Variants in SGCZ observed in about 807,000 individuals in gnomAD.
SGCZ encodes sarcoglycan zeta.
In SGCZ, 40 loss-of-function variants were observed where a neutral mutation model predicts 41.3. The ratio of observed to expected loss-of-function variants is 0.97; its 90% CI spans 0.75 to 1.26. The LOEUF is 1.26. SGCZ is among the 50% of genes most tolerant of loss of function. The pLI is 0.00. For synonymous variants in SGCZ, 206 were observed against 137.5 expected (o/e 1.50, Z -3.49); for missense variants, 552 against 369.8 (o/e 1.49, Z -4.04).
At chr8:14,246,274 T>C (rs932235535) in intron 3 of SGCZ, among the ~76,000 whole-genome samples, 1 of 152,128 alleles carries the variant, frequency 6.6e-6, no homozygotes, top group African/African-American at 2.4e-5. Context: ...GCCATAAAAA[T>C]GATGAGTTCA....
intron 4 of SGCZ, among the ~76,000 whole-genome samples, chr8:14,219,607 C>A (rs1318105728): frequency 6.6e-6 from 1 of 152,066 alleles, no homozygotes; most frequent in African/African-American, 2.4e-5. Context: ...ATTAGCTGGG[C>A]GTGGTGGCGC....
intron 1 of SGCZ, among the ~76,000 whole-genome samples, chr8:14,785,888 C>T (rs1351130447): frequency 2.0e-5 from 3 of 151,660 alleles, no homozygotes; most frequent in African/African-American, 7.3e-5. Flanking sequence ...ACTTCTATCC[C>T]TGCTGTGCCA....
chr8:14,467,222 G>T (rs530723830), intron 2 of SGCZ, among the ~76,000 whole-genome samples: 1 of 152,016 alleles, frequency 6.6e-6, no homozygotes, highest in African/African-American at 2.4e-5. Flanking sequence ...GGTTGCTTCT[G>T]AAGATGCTAG....
chr8:14,180,236 C>G (rs1386371734), intron 4 of SGCZ, among the ~76,000 whole-genome samples: 1 of 152,164 alleles, frequency 6.6e-6, no homozygotes, highest in Non-Finnish European at 1.5e-5. Flanking sequence ...GCCTCCTAGC[C>G]AAGCCCACCT....
At chr8:14,850,851 G>T (rs1414216672) in intron 1 of SGCZ, among the ~76,000 whole-genome samples, 2 of 152,160 alleles carry the variant, frequency 1.3e-5, no homozygotes, top group East Asian at 3.9e-4. Flanking sequence ...TCTCCTTCCT[G>T]CCACCTTCTG....
chr8:14,853,039 T>C (rs1585319392), intron 1 of SGCZ, among the ~76,000 whole-genome samples: 2 of 152,328 alleles, frequency 1.3e-5, no homozygotes, highest in Admixed American at 6.5e-5. Flanking sequence ...TGAGGATACA[T>C]AGAAAGTATA....
rs1563214476 is a variant in SGCZ, at chr8:14,253,263, T to TGTGC, written c.337-15585_337-15584insGCAC. On this transcript the variant is annotated intron_variant, in intron 3 of 7. Coordinates refer to ENST00000382080, the MANE Select transcript of SGCZ (RefSeq NM_139167.4). ...TGTAGGGTGTGTGTGTGTGTGTGTG[T>TGTGC]GTGTGTGTGTATCAGTCAGGAAGAA... Among the ~76,000 whole-genome samples the TGTGC allele has an allele frequency of 2.6e-5, 4 of 151,848 alleles. No homozygotes were observed. In the East Asian group the frequency reaches 7.7e-4, roughly 29 times the overall value.
At chr8:15,081,178 AT>A (rs1172285294) in intron 1 of SGCZ, among the ~76,000 whole-genome samples, 1 of 152,074 alleles carries the variant, frequency 6.6e-6, no homozygotes, top group African/African-American at 2.4e-5. Context: ...AAGACACTAA[AT>A]TTTTTTAGGT....
chr8:14,190,388 T>C (rs932917608), intron 4 of SGCZ, among the ~76,000 whole-genome samples: 3 of 151,894 alleles, frequency 2.0e-5, no homozygotes, highest in African/African-American at 7.3e-5. Flanking sequence ...TGTGTATATA[T>C]ATATATCAAT....
intron 1 of SGCZ, among the ~76,000 whole-genome samples, chr8:15,164,330 G>T (rs1176745660): frequency 6.6e-6 from 1 of 151,896 alleles, no homozygotes. Flanking sequence ...TCCTTTTACA[G>T]GACCCACCGG....
chr8:14,534,851 A>G (rs1803246334), intron 2 of SGCZ, among the ~76,000 whole-genome samples: 4 of 151,992 alleles, frequency 2.6e-5, no homozygotes. Flanking sequence ...TCCTCAGGCC[A>G]TCTAGTACTG....
rs572799789 is a variant in SGCZ, at chr8:14,925,502, C to A, written c.39+312083G>T. 2.6e-5 allele frequency among the ~76,000 whole-genome samples: 4 copies of A among 152,274 alleles called. No individual in the cohort carries two copies. The East Asian group carries it at 5.8e-4, about 22-fold the overall frequency. On this transcript the variant is annotated intron_variant, in intron 1 of 7. Coordinates refer to ENST00000382080, the MANE Select transcript of SGCZ (RefSeq NM_139167.4). Reference sequence around the variant, plus strand: ...TTTATAACAAGATGCTTCTTAAAGGCTAAGTTTTCATTCTCAAGGAGATGC... The same window carrying A: ...TTTATAACAAGATGCTTCTTAAAGGATAAGTTTTCATTCTCAAGGAGATGC...
chr8:14,218,487 A>T (rs1179748828), intron 4 of SGCZ, among the ~76,000 whole-genome samples: 1 of 152,212 alleles, frequency 6.6e-6, no homozygotes, highest in Admixed American at 6.5e-5. Flanking sequence ...TCTTGTAAAG[A>T]CAAAAGTTTC....
At chr8:14,486,347 G>A (rs11781342) in intron 2 of SGCZ, among the ~76,000 whole-genome samples, 10,813 of 152,206 alleles carry the variant, frequency 0.071, 489 homozygotes, top group Middle Eastern at 0.11. Context: ...GAGAAGAAAT[G>A]GAGCAGAGCC....
intron 1 of SGCZ, among the ~76,000 whole-genome samples, chr8:15,179,142 C>A (rs1800085946): frequency 6.6e-6 from 1 of 152,066 alleles, no homozygotes; most frequent in South Asian, 2.1e-4. Context: ...TTTTAATAGT[C>A]TAGAGATATC....
chr8:15,226,902 T>C (rs143655756), intron 1 of SGCZ, among the ~76,000 whole-genome samples: 64 of 152,272 alleles, frequency 4.2e-4, no homozygotes, highest in Non-Finnish European at 7.5e-4. Context: ...AAGGGATAAG[T>C]AGAGAACGAT....
At chr8:14,709,024 T>C (rs1563216940) in intron 1 of SGCZ, among the ~76,000 whole-genome samples, 1 of 152,142 alleles carries the variant, frequency 6.6e-6, no homozygotes, top group African/African-American at 2.4e-5. Flanking sequence ...AACTCTATCA[T>C]TCAGCAGATT....
At chr8:14,517,042 C>T (rs1409416939) in intron 2 of SGCZ, among the ~76,000 whole-genome samples, 1 of 151,782 alleles carries the variant, frequency 6.6e-6, no homozygotes, top group African/African-American at 2.4e-5. Context: ...GATTCTCCCC[C>T]TATGACTCGT....
chr8:14,396,161 G>A (rs943937416), intron 2 of SGCZ, among the ~76,000 whole-genome samples: 1 of 152,080 alleles, frequency 6.6e-6, no homozygotes, highest in Non-Finnish European at 1.5e-5. Context: ...CTTTAGATAT[G>A]ACTGGGAAGA....
Sources: allele counts gnomAD v4.1 joint callset (sites outside exome capture counted in the v4.1 genomes callset), GRCh38; gene constraint gnomAD v4.1.1; transcripts MANE v1.5; gene names NCBI Gene and HGNC (gene_info 2026-07-23, HGNC 2026-07-21).